LONP1: variants seen among roughly 807,000 people sequenced by gnomAD.
LONP1 encodes lon peptidase 1, mitochondrial.
LONP1 carries 31 observed loss-of-function variants against 98.5 expected under a neutral mutation model. The observed-to-expected ratio is 0.31, with a 90% CI of 0.24 to 0.42. LONP1 has a LOEUF of 0.42. Ranked by LOEUF, LONP1 falls within the 20% of genes least tolerant of loss-of-function variation. The pLI is 1.00. For synonymous variants in LONP1, 781 were observed against 594.7 expected, an observed-to-expected ratio of 1.31 and a Z score of -4.56; for missense variants, 1,336 against 1,350.6, an observed-to-expected ratio of 0.99 and a Z score of 0.17.
chr19:5,708,118 C>T (rs574597921), intron 5 of LONP1: 39 of 612,566 alleles, frequency 6.4e-5, no homozygotes, highest in Non-Finnish European at 9.2e-5. Flanking sequence ...CAACAGCTTC[C>T]GGCCTCAGCA....
In LONP1 at chr19:5,696,181, C is replaced by T. The variant is rs770660275; in HGVS notation, c.1897-11G>A. On this transcript the variant is annotated splice_polypyrimidine_tract_variant and intron_variant, in intron 12 of 17. Coordinates refer to ENST00000360614, the MANE Select transcript of LONP1 (RefSeq NM_004793.4). ...GCAGATGAACAGCACCTGGGGGCGG[C>T]GGCAAGGTGCTGGGGGACTGGCCGC... is the stretch of plus-strand genomic sequence containing the variant. The T allele has an allele frequency of 2.8e-5, 45 of 1,612,674 alleles. No homozygotes were observed. Among genetic ancestry groups the T allele is most frequent in the Non-Finnish European group, 3.6e-5 (42 of 1,179,838 alleles).
At chr19:5,696,029 A>G (rs753884155) in intron 13 of LONP1, 25 bp downstream of exon 13, 111 of 1,597,436 alleles carry the variant, frequency 6.9e-5, no homozygotes, top group Non-Finnish European at 9.1e-5. Context: ...GGAAGGGGAC[A>G]GCAGTGGGGA....
At chr19:5,708,452 G>C (rs781607747) in intron 4 of LONP1, 49 bp from the exon 5 acceptor site, 5 of 1,389,234 alleles carry the variant, frequency 3.6e-6, no homozygotes, top group Admixed American at 3.5e-5. Flanking sequence ...GCTCCAGCAG[G>C]GGGTGGGCTG....
intron 1 of LONP1, among the ~76,000 whole-genome samples, chr19:5,716,259 C>CATATACATATATAT (rs2055317993): frequency 3.9e-5 from 3 of 77,234 alleles, no homozygotes; most frequent in Admixed American, 1.5e-4. Context: ...TTAAAATATA[C>CATATACATATATAT]ATATATATAT....
At chr19:5,708,468 G>GGGA in intron 4 of LONP1, 65 bp from the exon 5 acceptor site, 14 of 551,240 alleles carry the variant, frequency 2.5e-5, no homozygotes, top group East Asian at 1.4e-4. Context: ...GGCTGGGTGG[G>GGGA]AGCATGGCCC....
intron 8 of LONP1, among the ~76,000 whole-genome samples, chr19:5,703,957 CAGA>C (rs1453584268): frequency 6.6e-6 from 1 of 152,194 alleles, no homozygotes; most frequent in African/African-American, 2.4e-5. Context: ...CGCTGGGAGA[CAGA>C]AGAACCCCGA....
chr19:5,691,991 A>T lies in LONP1; in HGVS notation c.*41T>A. The stretch of plus-strand genomic sequence containing the variant: ...CCCACAGCGCTCAGTTCTGGCCCAG[A>T]CAGGGCCTGACATCCGCCGCCTGCA... On this transcript the variant is annotated 3_prime_UTR_variant, in exon 18 of 18. Coordinates refer to ENST00000360614, the MANE Select transcript of LONP1 (RefSeq NM_004793.4). 1 of 1,588,904 alleles carries T rather than the reference A, an allele frequency of 6.3e-7. No homozygotes were observed. Among genetic ancestry groups the T allele is most frequent in the Non-Finnish European group, 8.6e-7 (1 of 1,166,616 alleles).
chr19:5,710,327 G>C (rs954823903), intron 4 of LONP1, among the ~76,000 whole-genome samples: 3 of 151,806 alleles, frequency 2.0e-5, no homozygotes, highest in African/African-American at 7.3e-5. Flanking sequence ...GACCTCAGGT[G>C]ATCCGCCCAC....
intron 4 of LONP1, among the ~76,000 whole-genome samples, chr19:5,710,399 T>C (rs948664257): frequency 1.3e-5 from 2 of 151,908 alleles, no homozygotes; most frequent in Admixed American, 6.6e-5. Context: ...CTGAATTTTT[T>C]TATTTTAATT....
intron 8 of LONP1, among the ~76,000 whole-genome samples, chr19:5,702,479 G>C: frequency 6.6e-6 from 1 of 152,148 alleles, no homozygotes; most frequent in South Asian, 2.1e-4. Flanking sequence ...TGGGAGGGAG[G>C]AGTGGGGGTC....
intron 13 of LONP1, 62 bp from the exon 14 acceptor site, chr19:5,694,963 C>A: frequency 3.2e-6 from 5 of 1,547,606 alleles, no homozygotes; most frequent in East Asian, 2.3e-5. Flanking sequence ...CAGTCTAGAA[C>A]CTGGGAGCCA....
At chr19:5,708,680 G>GA (rs913378928) in intron 4 of LONP1, 2 of 385,252 alleles carry the variant, frequency 5.2e-6, no homozygotes, top group African/African-American at 2.0e-5. Flanking sequence ...TATCTCAGGG[G>GA]AAAAAAAGAG....
intron 8 of LONP1, among the ~76,000 whole-genome samples, chr19:5,704,383 G>T (rs960040296): frequency 8.5e-5 from 13 of 152,196 alleles, no homozygotes; most frequent in Non-Finnish European, 1.8e-4. Flanking sequence ...GGCGTGCTGG[G>T]AGGGGAAGCC....
intron 9 of LONP1, among the ~76,000 whole-genome samples, chr19:5,700,073 G>C (rs568746146): frequency 6.6e-6 from 1 of 152,048 alleles, no homozygotes; most frequent in African/African-American, 2.4e-5. Context: ...CAAGTAGCTG[G>C]GACTGCAGAC....
At chr19:5,692,923 C>G (rs1040151198) in intron 17 of LONP1, among the ~76,000 whole-genome samples, 4 of 152,046 alleles carry the variant, frequency 2.6e-5, no homozygotes, top group African/African-American at 9.7e-5. Context: ...GGCGCTCCAA[C>G]CTGCTCAGCA....
intron 9 of LONP1, among the ~76,000 whole-genome samples, chr19:5,700,348 G>A (rs975406680): frequency 2.6e-5 from 4 of 152,002 alleles, no homozygotes; most frequent in Admixed American, 6.6e-5. Flanking sequence ...CCCGACCTCA[G>A]GTGATCTGCA....
Position 5,694,322 on chromosome 19 carries a change from G to T in LONP1, c.2320+65C>A, listed in dbSNP as rs1304028916. On this transcript the variant is annotated intron_variant, in intron 15 of 17. Coordinates refer to ENST00000360614, the MANE Select transcript of LONP1 (RefSeq NM_004793.4). ...GCCCACTGCACAGGTGTACAAGGTG[G>T]GACCTGCTTGTTCTCGGGTAGAAAT... 1.3e-5 allele frequency: 21 copies of T among 1,591,138 alleles called. No homozygotes were observed. The East Asian group carries it at 2.9e-4, about 22-fold the overall frequency.
chr19:5,711,765 A>C lies in LONP1; in HGVS notation c.870+6T>G. On this transcript the variant is annotated splice_donor_region_variant and intron_variant, in intron 4 of 17. Transcript: ENST00000360614. Reference sequence around the variant, plus strand: ...TGTGGCCGCCCTGCGTGACGCACGGACTCACTTTCACCTCCTCCGTGACCT... The same window carrying C: ...TGTGGCCGCCCTGCGTGACGCACGGCCTCACTTTCACCTCCTCCGTGACCT... 1 of 1,597,504 alleles carries C rather than the reference A, an allele frequency of 6.3e-7. No individual in the cohort carries two copies. Among genetic ancestry groups the C allele is most frequent in the Non-Finnish European group, 8.6e-7 (1 of 1,167,868 alleles).
rs2055407170 is a variant in LONP1 at position 5,719,945 on chromosome 19, C to A, written c.188G>T (p.Gly63Val). Residue 63 changes from glycine (G) to valine (V), a missense_variant, in exon 1 of 18, where the codon GGC (glycine) becomes GTC (valine). Gly to Val is a moderately radical substitution (Grantham distance 109). This residue lies in a region of LONP1 where 457 missense variants were observed against 403.1 expected (regional missense o/e 1.13). Transcript: ENST00000360614. ...CGCTTCCCAAAACCCCCGCCATTGG[C>A]CCCCAATTGCCGGGCCTCGGCCCCA... is the stretch of plus-strand genomic sequence containing the variant. ...ALWGRGPAIG[G>V]QWRGFWEASS... 6.4e-7 allele frequency: 1 copy of A among 1,565,664 alleles called. No individual in the cohort carries two copies. Among genetic ancestry groups the A allele is most frequent in the Non-Finnish European group, 8.6e-7 (1 of 1,157,372 alleles).
Sources: allele counts gnomAD v4.1 joint callset (sites outside exome capture counted in the v4.1 genomes callset), GRCh38; gene constraint gnomAD v4.1.1; regional missense constraint gnomAD v4.1.1; transcripts MANE v1.5; gene names NCBI Gene and HGNC (gene_info 2026-07-23, HGNC 2026-07-21).